The following IP6K3 variants were observed in gnomAD, a reference collection of about 807,000 sequenced individuals.
The protein encoded by IP6K3 is ATP:1D-myo-inositol-hexakisphosphate phosphotransferase.
IP6K3 carries 20 observed loss-of-function variants against 28.8 expected under a neutral mutation model. The observed-to-expected ratio is 0.70, with a 90% confidence interval of 0.49 to 1.01. The LOEUF is 1.01. Ranked by LOEUF, IP6K3 falls within the 50% of genes least tolerant of loss-of-function variation. IP6K3 has a pLI of 0.00. For missense variants in IP6K3, 480 were observed against 537.1 expected (o/e 0.89, Z 1.05); for synonymous variants, 213 against 221.3 (o/e 0.96, Z 0.33).
At chr6:33,757,623 G>A in the IP6K3 span, among the ~76,000 whole-genome samples, 22 of 152,198 alleles carry the variant, frequency 1.4e-4, 1 homozygote, top group South Asian at 4.1e-4. Context: ...GCTAGTTCTC[G>A]TGGGATTTAT....
chr6:33,734,876 C>CAGGCCTGAG lies in IP6K3; in HGVS notation c.199+401_199+402insCTCAGGCCT, dbSNP rs1208465364. On this transcript the variant is annotated intron_variant, in intron 2 of 5. Coordinates refer to ENST00000293756, the MANE Select transcript of IP6K3 (RefSeq NM_054111.5). ...AGCCCTGTCCCAGGCCTGAGGGTCC[C>CAGGCCTGAG]GCCATCCTCCTTGGCTTTCAGAGGG... Among the ~76,000 whole-genome samples, 10 of 152,196 alleles carry CAGGCCTGAG rather than the reference C, an allele frequency of 6.6e-5. 1 individual carries two copies. The highest frequency in any genetic ancestry group is 2.1e-4 in the South Asian group (1 of 4,832).
chr6:33,734,853 C>T (rs901502112), intron 2 of IP6K3, among the ~76,000 whole-genome samples: 1 of 152,192 alleles, frequency 6.6e-6, no homozygotes, highest in Non-Finnish European at 1.5e-5. Context: ...GCATCCCAAG[C>T]CCTGTCCCAG....
At chr6:33,760,460 GA>G in the IP6K3 span, among the ~76,000 whole-genome samples, 1 of 152,218 alleles carries the variant, frequency 6.6e-6, no homozygotes, top group Non-Finnish European at 1.5e-5. Context: ...GTCTTCAGTG[GA>G]GGGGCGTGAG....
rs1463761413 is a variant in IP6K3 at position 33,721,746 on chromosome 6, A to C, written c.*974T>G. On this transcript the variant is annotated 3_prime_UTR_variant, in exon 6 of 6. Coordinates refer to ENST00000293756, the MANE Select transcript of IP6K3 (RefSeq NM_054111.5). ...TCAGTGCTTGACTCAAGGGCATCGT[A>C]ATAGGTTTCCATACTGCAGAAGAAG... 1.3e-5 allele frequency: 2 copies of C among 152,648 alleles called. No homozygotes were observed. The highest frequency in any genetic ancestry group is 2.9e-5 in the Non-Finnish European group (2 of 68,032). The allele number at this position is 152,648 out of a possible 1,614,324, so 9.5% of individuals were successfully genotyped here.
intron 2 of IP6K3, among the ~76,000 whole-genome samples, chr6:33,734,289 G>A (rs1009254646): frequency 6.6e-6 from 1 of 152,034 alleles, no homozygotes; most frequent in Non-Finnish European, 1.5e-5. Flanking sequence ...GGCATGGGGC[G>A]TGGGGACCTG....
the IP6K3 span, among the ~76,000 whole-genome samples, chr6:33,757,578 C>T: frequency 5.9e-5 from 9 of 152,122 alleles, no homozygotes; most frequent in South Asian, 1.9e-3. Flanking sequence ...TTCATTTATC[C>T]ATCCATGCAG....
Position 33,721,836 on chromosome 6 carries a change from G to GC in IP6K3, c.*883dup, listed in dbSNP as rs960040617. On this transcript the variant is annotated 3_prime_UTR_variant, in exon 6 of 6. Transcript: ENST00000293756. ...CTTGTCCACCAGTCTTGTAAACATT[G>GC]CCCCTGGTTTCCTCCGTCCTCCAGG... is the stretch of plus-strand genomic sequence containing the variant. 1.3e-5 allele frequency: 2 copies of GC among 152,444 alleles called. No individual in the cohort carries two copies. Among genetic ancestry groups the GC allele is most frequent in the Non-Finnish European group, 2.9e-5 (2 of 67,998 alleles). The allele number at this position is 152,444 out of a possible 1,614,324, so 9.4% of individuals were successfully genotyped here. A position where few individuals can be genotyped will look rare whatever the true frequency, so the allele number is the denominator to read the frequency against.
At chr6:33,728,777 T>C (rs1024518665) in intron 2 of IP6K3, among the ~76,000 whole-genome samples, 1 of 152,140 alleles carries the variant, frequency 6.6e-6, no homozygotes, top group African/African-American at 2.4e-5. Context: ...CTCTGCCTCC[T>C]GAGCACCCTT....
chr6:33,732,297 C>T (rs774756891), intron 2 of IP6K3, among the ~76,000 whole-genome samples: 11 of 152,156 alleles, frequency 7.2e-5, no homozygotes, highest in Non-Finnish European at 1.5e-4. Flanking sequence ...GCCATCGTGG[C>T]GCAGGGTGGC....
In IP6K3 at chr6:33,728,266, TGTGCTGTCTTTCCAGAG is replaced by T; in HGVS notation, c.217_233del (p.Leu73ArgfsTer89). 6.2e-7 allele frequency: 1 copy of T among 1,614,208 alleles called. No individual in the cohort carries two copies. Among genetic ancestry groups the T allele is most frequent in the Non-Finnish European group, 8.5e-7 (1 of 1,180,034 alleles). ...GGTTGGCAACCAAGCTGAGATGGCC[TGTGCTGTCTTTCCAGAG>T]GTGCACTGTGACGGTACCTGCAAAC... On this transcript the variant is annotated frameshift_variant, in exon 3 of 6. Transcript: ENST00000293756. LOFTEE classifies it high-confidence loss of function.
At chr6:33,725,711 C>T in intron 4 of IP6K3, 95 bp from the exon 5 acceptor site, 1 of 1,114,578 alleles carries the variant, frequency 9.0e-7, no homozygotes, top group Non-Finnish European at 1.3e-6. Flanking sequence ...TGGAAATTCC[C>T]TATTCTGGGC....
chr6:33,751,440 G>A (rs952614637), upstream of IP6K3, among the ~76,000 whole-genome samples: 8 of 152,062 alleles, frequency 5.3e-5, no homozygotes, highest in Non-Finnish European at 1.2e-4. This position sits in a 1 kb window ranked among gnomAD's most constrained non-coding sequence, Gnocchi z 4.3. Context: ...GGAAGCAAGG[G>A]TGTTACCACT....
intron 1 of IP6K3, among the ~76,000 whole-genome samples, chr6:33,743,727 C>A (rs756363283): frequency 6.6e-6 from 1 of 152,104 alleles, no homozygotes; most frequent in Non-Finnish European, 1.5e-5. Context: ...CCAGCCGTGG[C>A]TGAAATATGT....
intron 1 of IP6K3, among the ~76,000 whole-genome samples, chr6:33,739,911 A>G (rs1766659164): frequency 6.6e-6 from 1 of 152,228 alleles, no homozygotes. Context: ...CAGCCTTGTC[A>G]TGATGCTCGG....
chr6:33,732,070 T>G (rs541059741), intron 2 of IP6K3, among the ~76,000 whole-genome samples: 2 of 152,356 alleles, frequency 1.3e-5, no homozygotes, highest in Admixed American at 1.3e-4. Context: ...ATGAGAGCAT[T>G]TACTTGCTGC....
At chr6:33,751,522 G>GTGTGTGTGTGTGTGTGTGT (rs1554146748), upstream of IP6K3, among the ~76,000 whole-genome samples, 1 of 143,498 alleles carries the variant, frequency 7.0e-6, no homozygotes, top group African/African-American at 2.5e-5. This position sits in a 1 kb window ranked among gnomAD's most constrained non-coding sequence, Gnocchi z 4.3. Context: ...GTGTGTGTTT[G>GTGTGTGTGTGTGTGTGTGT]GCCCCGGGAA....
intron 1 of IP6K3, among the ~76,000 whole-genome samples, chr6:33,745,569 G>C (rs1361260700): frequency 6.6e-6 from 1 of 152,168 alleles, no homozygotes; most frequent in Non-Finnish European, 1.5e-5. Flanking sequence ...CACCATGGTG[G>C]GGGGTCGGGG....
At chr6:33,737,909 G>A (rs193101663) in intron 1 of IP6K3, among the ~76,000 whole-genome samples, 45 of 152,314 alleles carry the variant, frequency 3.0e-4, no homozygotes, top group Admixed American at 8.5e-4. Context: ...GCTGTTTCAG[G>A]ACCTGAGAAA....
chr6:33,723,721 A>G (rs1765995921), intron 5 of IP6K3, among the ~76,000 whole-genome samples: 1 of 152,114 alleles, frequency 6.6e-6, no homozygotes, highest in African/African-American at 2.4e-5. Context: ...TTGAAGATAA[A>G]AAGACAGGCT....
Sources: gnomAD v4.1 joint callset for allele counts (sites outside exome capture counted in the v4.1 genomes callset) on GRCh38, gnomAD v4.1.1 for gene constraint, Gnocchi (gnomAD v3.1) non-coding constraint, MANE v1.5 for transcripts, NCBI Gene and HGNC (gene_info 2026-07-23, HGNC 2026-07-21) for gene names.